PCDH11Y: variants seen among roughly 807,000 people sequenced by gnomAD.
PCDH11Y encodes protocadherin-11 Y-linked.
For synonymous variants in PCDH11Y, 9 were observed against 83.6 expected (o/e 0.11, Z 4.87); for missense variants, 12 against 224.8 (o/e 0.05, Z 6.05).
intron 1 of PCDH11Y, among the ~76,000 whole-genome samples, chrY:5,087,757 G>A: frequency 3.1e-5 from 1 of 32,543 alleles, no homozygotes; most frequent in Non-Finnish European, 7.5e-5. Context: ...TTTACTTAGA[G>A]ACCTAGAGCA....
chrY:5,404,558 G>A (rs2124677400), intron 2 of PCDH11Y, among the ~76,000 whole-genome samples: 10 of 33,123 alleles, frequency 3.0e-4, no homozygotes, highest in South Asian at 2.7e-3. Flanking sequence ...TTAGAGAGAA[G>A]TTAGAATCAG....
chrY:5,399,709 A>G, intron 2 of PCDH11Y, among the ~76,000 whole-genome samples: 1 of 30,705 alleles, frequency 3.3e-5, no homozygotes, highest in East Asian at 8.4e-4. Context: ...CATGTTGGTC[A>G]GGCTGGTCGC....
intron 2 of PCDH11Y, among the ~76,000 whole-genome samples, chrY:5,366,068 A>G (rs2053179791): frequency 3.5e-4 from 12 of 33,812 alleles, no homozygotes; most frequent in Admixed American, 3.3e-3. Context: ...AAGTGATGCT[A>G]TAGGTTACAT....
At chrY:5,043,439 C>G (rs1602845153) in intron 3 of PCDH11Y, among the ~76,000 whole-genome samples, 1 of 33,330 alleles carries the variant, frequency 3.0e-5, no homozygotes, top group Non-Finnish European at 7.4e-5. Flanking sequence ...ATTGAACCAG[C>G]CTTGCATCCT....
chrY:5,509,833 G>A (rs1602935882), intron 3 of PCDH11Y, among the ~76,000 whole-genome samples: 2 of 27,197 alleles, frequency 7.4e-5, no homozygotes, highest in Non-Finnish European at 1.8e-4. Context: ...AACTTTTATA[G>A]TTATATAAAT....
intron 4 of PCDH11Y, among the ~76,000 whole-genome samples, chrY:5,727,914 C>T: frequency 6.2e-5 from 2 of 32,519 alleles, no homozygotes; most frequent in Non-Finnish European, 1.5e-4. Context: ...ATTTGTGCTG[C>T]TCTGCTAGTC....
intron 2 of PCDH11Y, among the ~76,000 whole-genome samples, chrY:5,115,034 C>T: frequency 6.2e-5 from 2 of 32,053 alleles, no homozygotes; most frequent in Non-Finnish European, 1.5e-4. Flanking sequence ...TGTTGTTACA[C>T]CTTTTGTCCA....
chrY:5,661,890 T>C, intron 4 of PCDH11Y, among the ~76,000 whole-genome samples: 3 of 33,034 alleles, frequency 9.1e-5, no homozygotes, highest in Admixed American at 2.8e-4. Context: ...AACATTATTT[T>C]CTGTGAATGT....
At chrY:5,292,859 G>T (rs2053069563) in intron 2 of PCDH11Y, among the ~76,000 whole-genome samples, 1 of 33,182 alleles carries the variant, frequency 3.0e-5, no homozygotes, top group African/African-American at 1.2e-4. Context: ...AAGGGTTTTT[G>T]TTTGTTTGTT....
At chrY:5,560,906 G>T in intron 3 of PCDH11Y, among the ~76,000 whole-genome samples, 2 of 33,590 alleles carry the variant, frequency 6.0e-5, no homozygotes, top group Non-Finnish European at 1.5e-4. Context: ...CCCCAGAATG[G>T]TAGATCCACT....
At chrY:5,222,654 GC>G (rs2052955526) in intron 2 of PCDH11Y, among the ~76,000 whole-genome samples, 1 of 32,270 alleles carries the variant, frequency 3.1e-5, no homozygotes, top group African/African-American at 1.2e-4. Context: ...CCGCCGCCAT[GC>G]CCTGCTAATC....
At chrY:5,594,684 G>T in intron 4 of PCDH11Y, among the ~76,000 whole-genome samples, 1 of 31,152 alleles carries the variant, frequency 3.2e-5, no homozygotes, top group African/African-American at 1.3e-4. Context: ...GAGCTATGAT[G>T]TGGGTCCCCA....
At chrY:5,228,376 G>A in intron 2 of PCDH11Y, among the ~76,000 whole-genome samples, 1 of 31,405 alleles carries the variant, frequency 3.2e-5, no homozygotes, top group Non-Finnish European at 7.7e-5. Flanking sequence ...TAAAAAACCA[G>A]CATTTTTTAA....
At chrY:5,467,771 G>A in intron 2 of PCDH11Y, among the ~76,000 whole-genome samples, 1 of 33,174 alleles carries the variant, frequency 3.0e-5, no homozygotes, top group Admixed American at 2.8e-4. Flanking sequence ...TTTATAAAAA[G>A]GAAACATTAA....
chrY:5,180,382 A>G (rs1602881412), intron 2 of PCDH11Y, among the ~76,000 whole-genome samples: 1 of 33,857 alleles, frequency 3.0e-5, no homozygotes, highest in Non-Finnish European at 7.3e-5. Context: ...GCCATGTGGC[A>G]ATGAAAAGAA....
intron 2 of PCDH11Y, among the ~76,000 whole-genome samples, chrY:5,190,729 G>C: frequency 3.1e-5 from 1 of 32,701 alleles, no homozygotes; most frequent in Non-Finnish European, 7.4e-5. Flanking sequence ...AACTAGAGAG[G>C]GGCAAGGAAA....
chrY:5,661,095 C>T, intron 4 of PCDH11Y, among the ~76,000 whole-genome samples: 2 of 32,250 alleles, frequency 6.2e-5, no homozygotes, highest in South Asian at 7.0e-4. Context: ...TGAACCCAGG[C>T]GGTGGAGGTT....
At chrY:5,478,563 C>A (rs2124685523) in intron 2 of PCDH11Y, among the ~76,000 whole-genome samples, 1 of 31,170 alleles carries the variant, frequency 3.2e-5, no homozygotes, top group South Asian at 7.6e-4. Context: ...GAGTTCAAGT[C>A]CTGAATACTT....
chrY:5,520,986 T>C, intron 3 of PCDH11Y, among the ~76,000 whole-genome samples: 10 of 30,899 alleles, frequency 3.2e-4, no homozygotes, highest in Admixed American at 1.8e-3. Flanking sequence ...ATGGCATGTG[T>C]CATCTTTCAG....
Sources: allele counts gnomAD v4.1 joint callset (sites outside exome capture counted in the v4.1 genomes callset), GRCh38; gene constraint gnomAD v4.1.1; transcripts MANE v1.5; gene names NCBI Gene and HGNC (gene_info 2026-07-23, HGNC 2026-07-21).